The following CAMTA1 variants were observed in gnomAD, a reference collection of about 807,000 sequenced individuals.
CAMTA1 encodes calmodulin-binding transcription activator 1.
CAMTA1 carries 27 observed loss-of-function variants against 170.9 expected under a neutral mutation model. The observed-to-expected ratio is 0.16, with a 90% CI of 0.12 to 0.22. The LOEUF (loss-of-function observed/expected upper bound fraction) is 0.22, where lower values mean the gene tolerates loss of function less well. Ranked by LOEUF, CAMTA1 falls within the 10% of genes least tolerant of loss-of-function variation. The pLI is 1.00. For synonymous variants in CAMTA1, 833 were observed against 891.5 expected, an observed-to-expected ratio of 0.93 and a Z score of 1.17; for missense variants, 1,619 against 2,217.2, an observed-to-expected ratio of 0.73 and a Z score of 5.42.
chr1:7,420,634 G>A (rs1289121421), intron 5 of CAMTA1, among the ~76,000 whole-genome samples: 2 of 152,046 alleles, frequency 1.3e-5, no homozygotes, highest in Admixed American at 6.6e-5. Context: ...CTGTCAATAA[G>A]TTTCTGTTCT....
chr1:6,854,088 A>G (rs957615972), intron 3 of CAMTA1, among the ~76,000 whole-genome samples: 10 of 152,250 alleles, frequency 6.6e-5, no homozygotes, highest in African/African-American at 2.4e-4. Context: ...TGTGTAATCT[A>G]GACGTACTAC....
chr1:7,146,243 A>G lies in CAMTA1; in HGVS notation c.302+54872A>G, dbSNP rs1322791614. 6.6e-6 allele frequency among the ~76,000 whole-genome samples: 1 copy of G among 152,102 alleles called. No homozygotes were observed. Among genetic ancestry groups the G allele is most frequent in the Non-Finnish European group, 1.5e-5 (1 of 68,016 alleles). On this transcript the variant is annotated intron_variant, in intron 4 of 22. Transcript: ENST00000303635. This position sits in a 1 kb window ranked among gnomAD's most constrained non-coding sequence, Gnocchi z 4.3. ...ACACCCCTCGCAGCAGGAGCTTGGC[A>G]GCCCCTGAACCCGGTGCCTGCTCAT... is the stretch of plus-strand genomic sequence containing the variant.
At chr1:7,052,876 C>T (rs899151337) in intron 3 of CAMTA1, among the ~76,000 whole-genome samples, 3 of 152,188 alleles carry the variant, frequency 2.0e-5, no homozygotes, top group Non-Finnish European at 2.9e-5. Context: ...TGGGCCGGGC[C>T]GTCCCCTCTT....
At chr1:6,840,512 C>A (rs1304763660) in intron 3 of CAMTA1, among the ~76,000 whole-genome samples, 1 of 152,162 alleles carries the variant, frequency 6.6e-6, no homozygotes, top group Non-Finnish European at 1.5e-5. Context: ...TGCGTTGGTG[C>A]TGGGGCTCGT....
intron 5 of CAMTA1, among the ~76,000 whole-genome samples, chr1:7,256,095 A>G (rs1252424585): frequency 6.6e-6 from 1 of 152,218 alleles, no homozygotes; most frequent in Non-Finnish European, 1.5e-5. Flanking sequence ...TTAAAACTTA[A>G]TTTCCTGTTA....
chr1:7,648,093 A>G (rs2095822036), intron 7 of CAMTA1, among the ~76,000 whole-genome samples: 2 of 151,966 alleles, frequency 1.3e-5, no homozygotes, highest in Non-Finnish European at 2.9e-5. Flanking sequence ...TAAAGAAAAG[A>G]AGAGAGAGAA....
At position 7,173,446 on chromosome 1, in the gene CAMTA1, A is replaced by T. The variant is rs182183952; in HGVS notation, c.303-76045A>T. 1.3e-5 allele frequency among the ~76,000 whole-genome samples: 2 copies of T among 152,222 alleles called. No homozygotes were observed. Among genetic ancestry groups the T allele is most frequent in the African/African-American group, 2.4e-5 (1 of 41,548 alleles). On this transcript the variant is annotated intron_variant, in intron 4 of 22. Coordinates refer to ENST00000303635, the MANE Select transcript of CAMTA1 (RefSeq NM_015215.4). This position sits in a 1 kb window ranked among gnomAD's most constrained non-coding sequence, Gnocchi z 5.4. ...CTAGTCATCCAGGCTGGAGTATAAC[A>T]GTGTGATCTTGGCTCACTGCAACCT...
At position 7,392,444 on chromosome 1, in the gene CAMTA1, C is replaced by T. The variant is rs1001760295; in HGVS notation, c.439-75386C>T. 8.0e-5 allele frequency among the ~76,000 whole-genome samples: 12 copies of T among 149,668 alleles called. 1 individual carries two copies. Among genetic ancestry groups the T allele is most frequent in the Non-Finnish European group, 1.5e-4 (10 of 67,492 alleles). On this transcript the variant is annotated intron_variant, in intron 5 of 22. Transcript: ENST00000303635. The stretch of plus-strand genomic sequence containing the variant: ...CTGATTTTGTATTTTTAGTAGAGTC[C>T]GGGTTTCTCCATGTTGGTCAGGCTG...
chr1:7,695,656 C>T (rs1179129247), intron 11 of CAMTA1, among the ~76,000 whole-genome samples: 1 of 152,058 alleles, frequency 6.6e-6, no homozygotes, highest in East Asian at 1.9e-4. Context: ...AGGTGCTGGC[C>T]TGCATGGGAC....
intron 3 of CAMTA1, among the ~76,000 whole-genome samples, chr1:6,955,026 C>T (rs964307200): frequency 2.0e-5 from 3 of 152,100 alleles, no homozygotes; most frequent in African/African-American, 4.8e-5. Context: ...TTGTTGTCTC[C>T]GGACCTTCAA....
intron 6 of CAMTA1, among the ~76,000 whole-genome samples, chr1:7,538,031 T>G (rs936451114): frequency 6.6e-6 from 1 of 152,218 alleles, no homozygotes; most frequent in African/African-American, 2.4e-5. Context: ...AATAAATGTG[T>G]TACGATCAGA....
rs572425593 is a variant in CAMTA1 at position 7,113,097 on chromosome 1, G to A, written c.302+21726G>A. Among the ~76,000 whole-genome samples, 2 of 152,340 alleles carry A rather than the reference G, an allele frequency of 1.3e-5. No individual in the cohort carries two copies. The highest frequency in any genetic ancestry group is 3.9e-4 in the East Asian group (2 of 5,194). On this transcript the variant is annotated intron_variant, in intron 4 of 22. Transcript: ENST00000303635. The surrounding 1 kb of genome is among the most constrained non-coding windows in gnomAD (Gnocchi z 4.5). ...CCCTCAGAAAGTGTGGCATCAGCAC[G>A]AGAAGCAGCAACTTTCTGAAATGCA...
At chr1:7,731,440 C>T (rs1286113364) in intron 11 of CAMTA1, among the ~76,000 whole-genome samples, 2 of 151,862 alleles carry the variant, frequency 1.3e-5, no homozygotes, top group Non-Finnish European at 2.9e-5. Context: ...GGTGTGGTTG[C>T]AGGCATCTGT....
At chr1:7,184,299 G>C (rs1342199693) in intron 4 of CAMTA1, among the ~76,000 whole-genome samples, 1 of 152,126 alleles carries the variant, frequency 6.6e-6, no homozygotes, top group Non-Finnish European at 1.5e-5. Context: ...ATGAGACCTA[G>C]TATTTGCTAA....
At chr1:7,086,049 G>T (rs1640695214) in intron 3 of CAMTA1, among the ~76,000 whole-genome samples, 1 of 152,156 alleles carries the variant, frequency 6.6e-6, no homozygotes, top group Non-Finnish European at 1.5e-5. Flanking sequence ...ATACAGAGGG[G>T]CCTGTCTGGG....
At chr1:7,559,081 G>T (rs898071788) in intron 6 of CAMTA1, among the ~76,000 whole-genome samples, 2 of 152,306 alleles carry the variant, frequency 1.3e-5, no homozygotes, top group Admixed American at 6.5e-5. Flanking sequence ...AAAGGCCAAG[G>T]CTCCCCCACA....
intron 5 of CAMTA1, among the ~76,000 whole-genome samples, chr1:7,447,524 CAG>C (rs1229242228): frequency 6.6e-6 from 1 of 152,046 alleles, no homozygotes; most frequent in African/African-American, 2.4e-5. Flanking sequence ...TCAAAGGCCT[CAG>C]GGGATCGTGC....
intron 3 of CAMTA1, among the ~76,000 whole-genome samples, chr1:6,864,691 C>T (rs538714036): frequency 3.1e-4 from 47 of 152,252 alleles, no homozygotes; most frequent in Admixed American, 6.5e-4. Context: ...CCCTTGGGAC[C>T]CCAGCTTACA....
chr1:7,146,659 C>T lies in CAMTA1; in HGVS notation c.302+55288C>T, dbSNP rs11120863. 0.7 allele frequency among the ~76,000 whole-genome samples: 106,086 copies of T among 151,928 alleles called. 37,689 individuals carry two copies. The highest frequency in any genetic ancestry group is 0.83 in the African/African-American group (34,578 of 41,450). ...TGGGTCCTCACTGCTTCCCTGGGAC[C>T]GGCTGTGTAGGGGTTGATGTGGGCA... On this transcript the variant is annotated intron_variant, in intron 4 of 22. Coordinates refer to ENST00000303635, the MANE Select transcript of CAMTA1 (RefSeq NM_015215.4). This position sits in a 1 kb window ranked among gnomAD's most constrained non-coding sequence, Gnocchi z 4.3.
Sources: gnomAD v4.1 joint callset for allele counts (sites outside exome capture counted in the v4.1 genomes callset) on GRCh38, gnomAD v4.1.1 for gene constraint, Gnocchi (gnomAD v3.1) non-coding constraint, MANE v1.5 for transcripts, NCBI Gene and HGNC (gene_info 2026-07-23, HGNC 2026-07-21) for gene names.